The following EIF3A variants were observed in gnomAD, a reference collection of about 807,000 sequenced individuals.
EIF3A encodes the protein EIF3, p180 subunit.
A neutral mutation model predicts 186.6 loss-of-function variants in EIF3A; 21 were observed. The ratio of observed to expected loss-of-function variants is 0.11; its 90% CI spans 0.08 to 0.16. EIF3A has a LOEUF of 0.16. EIF3A is among the 10% of genes least tolerant of loss of function. The pLI is 1.00. For missense variants in EIF3A, 1,306 were observed against 1,796.3 expected, an observed-to-expected ratio of 0.73 and a Z score of 4.93; for synonymous variants, 563 against 584.3, an observed-to-expected ratio of 0.96 and a Z score of 0.52.
chr10:119,036,200 C>A lies in EIF3A; in HGVS notation c.3988G>T (p.Val1330Phe), dbSNP rs202161257. The A allele has an allele frequency of 4.0e-4, 644 of 1,613,810 alleles. 8 individuals are homozygous for A. In the East Asian group the frequency reaches 0.014, roughly 35 times the overall value. The change falls in exon 22 of 22, where the codon GTT becomes TTT. Residue 1330 changes from valine (V) to phenylalanine (F), a missense_variant. This residue lies in a region of EIF3A where 331 missense variants were observed against 365.8 expected (regional missense o/e 0.90). Coordinates refer to ENST00000369144, the MANE Select transcript of EIF3A (RefSeq NM_003750.4). ...TCTCTTGAAAGAGCTGGGGGAGGAA[C>A]TCGACGAGGAGGGTCCCGCTCTTCC... ...RVEERDPPRR[V>F]PPPALSRDRE...
chr10:119,059,753 ACT>A, intron 9 of EIF3A, 35 bp from the exon 10 acceptor site: 2 of 1,376,958 alleles, frequency 1.5e-6, no homozygotes, highest in Non-Finnish European at 2.1e-6. Context: ...AACACTAGCC[ACT>A]GTTTATTCAG....
chr10:119,059,815 C>A, intron 9 of EIF3A, 97 bp from the exon 10 acceptor site: 4 of 820,986 alleles, frequency 4.9e-6, no homozygotes, highest in Non-Finnish European at 4.2e-6. Context: ...GAAATTATGC[C>A]AGAGAATTTA....
At chr10:119,046,408 T>C (rs1848283167) in intron 17 of EIF3A, among the ~76,000 whole-genome samples, 1 of 152,092 alleles carries the variant, frequency 6.6e-6, no homozygotes, top group South Asian at 2.1e-4. Flanking sequence ...AAACAAAAAG[T>C]ACTCACAAAG....
At position 119,035,970 on chromosome 10, in the gene EIF3A, C is replaced by T. The variant is rs1158736514; in HGVS notation, c.*69G>A. ...AATCCAATTTAGATTGGTTGAAGCA[C>T]AAGTATAATAATCCTTGAATGTGAT... On this transcript the variant is annotated 3_prime_UTR_variant, in exon 22 of 22. Coordinates refer to ENST00000369144, the MANE Select transcript of EIF3A (RefSeq NM_003750.4). 9 of 1,211,032 alleles carry T rather than the reference C, an allele frequency of 7.4e-6. No individual in the cohort carries two copies. The highest frequency in any genetic ancestry group is 5.0e-5 in the South Asian group (4 of 80,532). The allele number at this position is 1,211,032 out of a possible 1,614,324, so 75.0% of individuals were successfully genotyped here.
intron 9 of EIF3A, chr10:119,060,189 A>C: frequency 2.0e-6 from 1 of 494,224 alleles, no homozygotes; most frequent in South Asian, 1.5e-5. Context: ...AAATGCAACA[A>C]ATGGAAAACA....
intron 8 of EIF3A, 129 bp downstream of exon 8, chr10:119,061,095 G>A: frequency 1.7e-6 from 1 of 577,774 alleles, no homozygotes; most frequent in Non-Finnish European, 3.0e-6. Flanking sequence ...AAAGAAAAAA[G>A]ACAATGAAAT....
chr10:119,073,739 G>A lies in EIF3A; in HGVS notation c.240+8C>T, dbSNP rs45443497. The A allele has an allele frequency of 2.1e-3, 3,411 of 1,589,974 alleles. 10 individuals carry two copies. Among genetic ancestry groups the A allele is most frequent in the Middle Eastern group, 0.011 (66 of 5,946 alleles). On this transcript the variant is annotated splice_region_variant and intron_variant, in intron 2 of 21. Transcript: ENST00000369144. ...TGTTAAAAATATACAACCCAGTTCC[G>A]TTTGTACCTGTTGACAAATGTTCTT...
At chr10:119,046,283 T>C (rs1848281858) in intron 17 of EIF3A, among the ~76,000 whole-genome samples, 1 of 152,246 alleles carries the variant, frequency 6.6e-6, no homozygotes, top group Non-Finnish European at 1.5e-5. Flanking sequence ...CAAAGGTCTC[T>C]ATTATTTCTG....
chr10:119,053,541 G>A (rs538202028), intron 14 of EIF3A, among the ~76,000 whole-genome samples: 43 of 121,016 alleles, frequency 3.6e-4, no homozygotes, highest in African/African-American at 1.3e-3. Context: ...GGGAGAGCCT[G>A]TCTCCACTAA....
chr10:119,071,889 G>A (rs779366774), intron 4 of EIF3A, among the ~76,000 whole-genome samples: 16 of 151,976 alleles, frequency 1.1e-4, no homozygotes, highest in Middle Eastern at 3.4e-3. Context: ...GCCGAGCATG[G>A]CAGCGTGCGC....
chr10:119,040,470 T>C (rs191117535), intron 19 of EIF3A, among the ~76,000 whole-genome samples: 3 of 152,300 alleles, frequency 2.0e-5, no homozygotes, highest in Admixed American at 6.5e-5. Flanking sequence ...GTGATGGTAA[T>C]GAGTCCAGTT....
At position 119,037,142 on chromosome 10, in the gene EIF3A, G is replaced by A. The variant is rs1425741135; in HGVS notation, c.3896C>T (p.Pro1299Leu). 3 of 1,611,744 alleles carry A rather than the reference G, an allele frequency of 1.9e-6. No individual in the cohort carries two copies. The highest frequency in any genetic ancestry group is 2.7e-5 in the African/African-American group (2 of 73,942). ...LRDDRDRRGP[P>L]LRSEREEVSS... ...ACCTTCTTCACGTTCTGATCTGAGTGGAGGTCCTCTTCGGTCCCTGTCGTC... is the reference window on the plus strand; with the variant it reads ...ACCTTCTTCACGTTCTGATCTGAGTAGAGGTCCTCTTCGGTCCCTGTCGTC... Residue 1299 changes from proline (P) to leucine (L), a missense_variant, in exon 21 of 22, where the codon CCA becomes CTA. Physicochemically the swap from Pro to Leu is moderately conservative, Grantham distance 98. Around this residue, in one of 8 missense-constraint regions of EIF3A, gnomAD observed 331 missense variants for 365.8 expected, o/e 0.90. Transcript: ENST00000369144.
chr10:119,041,332 G>T (rs894191009), intron 19 of EIF3A, among the ~76,000 whole-genome samples: 5 of 152,168 alleles, frequency 3.3e-5, no homozygotes, highest in Admixed American at 2.0e-4. Flanking sequence ...CTTCACTTTG[G>T]GAGGGAGAGG....
chr10:119,058,286 C>G lies in EIF3A; in HGVS notation c.1647G>C (p.Gln549His). 1 of 1,589,752 alleles carries G rather than the reference C, an allele frequency of 6.3e-7. No individual in the cohort carries two copies. The highest frequency in any genetic ancestry group is 8.6e-7 in the Non-Finnish European group (1 of 1,169,062). Reference protein sequence around the residue: ...PAHILQEKEEQHQLAVTAYLK... With the variant: ...PAHILQEKEEHHQLAVTAYLK... ...GGTATGCAGTGACAGCCAACTGATG[C>G]TGTTCTTCTTTCTCTTGCTTCAAAA... is the stretch of plus-strand genomic sequence containing the variant. Residue 549 changes from glutamine (Q) to histidine (H), a missense_variant, in exon 12 of 22, where the codon CAG becomes CAC. Around this residue, in one of 8 missense-constraint regions of EIF3A, gnomAD observed 44 missense variants for 43.4 expected, o/e 1.01. Coordinates refer to ENST00000369144, the MANE Select transcript of EIF3A (RefSeq NM_003750.4).
rs1848225432 is a variant in EIF3A at position 119,042,587 on chromosome 10, G to C, written c.2933C>G (p.Ser978Cys). The change falls in exon 19 of 22, where the codon TCT (serine) becomes TGT (cysteine). Residue 978 changes from serine (S) to cysteine (C), a missense_variant. By Grantham distance (112) the Ser-to-Cys change is moderately radical (BLOSUM62 -1). Around this residue, in one of 8 missense-constraint regions of EIF3A, gnomAD observed 410 missense variants for 473.5 expected, o/e 0.87. Transcript: ENST00000369144. This position sits in a 1 kb window ranked among gnomAD's most constrained non-coding sequence, Gnocchi z 7.8. Reference sequence around the variant, plus strand: ...CCGGTCATCGTCTGCCCCACGACGAGAGAACCTATCTTCCTCAGGACCACG... The same window carrying C: ...CCGGTCATCGTCTGCCCCACGACGACAGAACCTATCTTCCTCAGGACCACG... ...PRRGPEEDRFSRRGADDDRPS... is the reference protein window; with the variant it reads ...PRRGPEEDRFCRRGADDDRPS... The C allele has an allele frequency of 1.2e-6, 2 of 1,614,104 alleles. No individual in the cohort carries two copies. The highest frequency in any genetic ancestry group is 1.7e-6 in the Non-Finnish European group (2 of 1,180,028).
At chr10:119,078,929 C>T (rs1044250663) in intron 1 of EIF3A, among the ~76,000 whole-genome samples, 2 of 151,996 alleles carry the variant, frequency 1.3e-5, no homozygotes, top group Non-Finnish European at 2.9e-5. Flanking sequence ...CATTATAATG[C>T]TTTGGCCTAC....
At chr10:119,076,706 C>A (rs990346620) in intron 1 of EIF3A, among the ~76,000 whole-genome samples, 5 of 151,996 alleles carry the variant, frequency 3.3e-5, no homozygotes, top group African/African-American at 9.7e-5. Context: ...CTCTGGGAGG[C>A]CAAGGCATCA....
intron 3 of EIF3A, 33 bp from the exon 4 acceptor site, chr10:119,073,086 GAC>G: frequency 6.3e-7 from 1 of 1,578,336 alleles, no homozygotes; most frequent in Non-Finnish European, 8.6e-7. Flanking sequence ...AACAATTTTA[GAC>G]AGTTTCCTAC....
At chr10:119,048,158 A>AAAGT (rs3061102) in intron 17 of EIF3A, among the ~76,000 whole-genome samples, 9,691 of 152,122 alleles carry the variant, frequency 0.064, 579 homozygotes, top group African/African-American at 0.16. Flanking sequence ...AATGAGTACC[A>AAAGT]ACCAATGAAA....
Sources: gnomAD v4.1 joint callset for allele counts (sites outside exome capture counted in the v4.1 genomes callset) on GRCh38, gnomAD v4.1.1 for gene constraint, gnomAD v4.1.1 regional missense constraint, Gnocchi (gnomAD v3.1) non-coding constraint, MANE v1.5 for transcripts, NCBI Gene and HGNC (gene_info 2026-07-23, HGNC 2026-07-21) for gene names.